The following TCTN2 variants were observed in gnomAD, a reference collection of about 807,000 sequenced individuals.
TCTN2 encodes tectonic family member 2, also known as tectonic-2.
Under a neutral mutation model 83.4 loss-of-function variants are expected in TCTN2, and 66 were observed. That is an observed-to-expected ratio of 0.79 (90% CI 0.65 to 0.97). The LOEUF is 0.97. Among genes scored for constraint, TCTN2 ranks in the 50% least tolerant of loss-of-function variants. TCTN2 has a pLI of 0.00. For synonymous variants in TCTN2, 301 were observed against 326.7 expected (o/e 0.92, Z 0.85); for missense variants, 794 against 858.1 (o/e 0.93, Z 0.93).
intron 4 of TCTN2, 112 bp downstream of exon 4, chr12:123,673,922 G>T (rs1170958596): frequency 9.9e-7 from 1 of 1,006,606 alleles, no homozygotes; most frequent in Non-Finnish European, 1.5e-6. Flanking sequence ...TGAGCTGCCC[G>T]GGAGGTTAAT....
chr12:123,703,170 A>T (rs571982303), intron 14 of TCTN2, among the ~76,000 whole-genome samples: 220 of 144,188 alleles, frequency 1.5e-3, no homozygotes, highest in Non-Finnish European at 2.7e-3. Context: ...TTTTATTATT[A>T]TTTTTTTTTC....
chr12:123,677,224 G>T (rs1333778294), intron 4 of TCTN2, among the ~76,000 whole-genome samples: 1 of 152,152 alleles, frequency 6.6e-6, no homozygotes, highest in Non-Finnish European at 1.5e-5. Flanking sequence ...ACATGGGTTT[G>T]ATAACACTGA....
chr12:123,699,071 T>G (rs1252871761), intron 13 of TCTN2, among the ~76,000 whole-genome samples: 1 of 152,180 alleles, frequency 6.6e-6, no homozygotes, highest in East Asian at 1.9e-4. Context: ...CCTGCTAACT[T>G]GATGTGTGCT....
At chr12:123,690,905 G>T (rs1022743235) in intron 8 of TCTN2, among the ~76,000 whole-genome samples, 5 of 152,020 alleles carry the variant, frequency 3.3e-5, no homozygotes, top group Admixed American at 6.6e-5. Context: ...TTGTTTCTCC[G>T]TCACGCAGGT....
At chr12:123,688,247 G>GT in intron 7 of TCTN2, 70 bp downstream of exon 7, 1 of 1,538,272 alleles carries the variant, frequency 6.5e-7, no homozygotes, top group African/African-American at 1.4e-5. Flanking sequence ...ACGGAGTCTC[G>GT]CTCTTACCTC....
At chr12:123,697,243 C>T (rs776929466) in intron 13 of TCTN2, 45 bp downstream of exon 13, 25 of 1,378,086 alleles carry the variant, frequency 1.8e-5, no homozygotes, top group Middle Eastern at 1.8e-4. Flanking sequence ...GAATGGTTTG[C>T]CTAGAATTAA....
At chr12:123,696,199 G>T in intron 11 of TCTN2, 2 of 560,092 alleles carry the variant, frequency 3.6e-6, no homozygotes, top group Non-Finnish European at 3.2e-6. Flanking sequence ...ATAGTCTGTT[G>T]TACATAGTAA....
intron 4 of TCTN2, among the ~76,000 whole-genome samples, chr12:123,675,972 C>T (rs997230468): frequency 4.6e-5 from 7 of 152,110 alleles, no homozygotes; most frequent in African/African-American, 1.2e-4. Context: ...AAAGCACTGA[C>T]TTTTTTCCTT....
intron 9 of TCTN2, 117 bp downstream of exon 9, chr12:123,692,840 G>GT (rs1193422449): frequency 2.4e-6 from 2 of 826,992 alleles, no homozygotes; most frequent in Non-Finnish European, 4.0e-6. Context: ...GTTCACAATA[G>GT]TTAGAAAGAT....
intron 5 of TCTN2, among the ~76,000 whole-genome samples, chr12:123,683,454 T>C (rs919605271): frequency 1.3e-5 from 2 of 151,358 alleles, no homozygotes; most frequent in Non-Finnish European, 2.9e-5. Context: ...TAATTTTTTG[T>C]GTCTTTAGTA....
chr12:123,689,966 A>G (rs1423053441), intron 7 of TCTN2, among the ~76,000 whole-genome samples: 1 of 151,774 alleles, frequency 6.6e-6, no homozygotes, highest in Non-Finnish European at 1.5e-5. Flanking sequence ...ATACCCGGTT[A>G]ATTTTTTACT....
chr12:123,687,581 C>T (rs566760791), intron 6 of TCTN2, among the ~76,000 whole-genome samples: 5 of 152,228 alleles, frequency 3.3e-5, no homozygotes, highest in East Asian at 1.9e-4. Context: ...GGCCTGAACC[C>T]GGGCGGCGGA....
At chr12:123,675,839 C>A (rs1955813845) in intron 4 of TCTN2, among the ~76,000 whole-genome samples, 1 of 151,824 alleles carries the variant, frequency 6.6e-6, no homozygotes, top group African/African-American at 2.4e-5. Context: ...GTGTTACCCA[C>A]TTAAAAGTTT....
Position 123,690,674 on chromosome 12 carries a change from G to A in TCTN2, c.1033G>A (p.Gly345Ser), listed in dbSNP as rs765482322. The A allele has an allele frequency of 6.2e-7, 1 of 1,613,960 alleles. No homozygotes were observed. The highest frequency in any genetic ancestry group is 2.2e-5 in the East Asian group (1 of 44,878). Residue 345 changes from glycine to serine, a missense_variant and splice_region_variant, in exon 8 of 18, where the codon GGC becomes AGC. Transcript: ENST00000303372. ...NAKIKNVALGGIVTPKVIYEE... is the reference protein window; with the variant it reads ...NAKIKNVALGSIVTPKVIYEE... Reference sequence around the variant, plus strand: ...GAAGATAAAGAATGTTGCCTTAGGAGGTATGTTACATTTCTTTGAAAAAAG... The same window carrying A: ...GAAGATAAAGAATGTTGCCTTAGGAAGTATGTTACATTTCTTTGAAAAAAG...
chr12:123,685,911 T>G (rs1307949440), intron 5 of TCTN2, among the ~76,000 whole-genome samples: 2 of 150,350 alleles, frequency 1.3e-5, no homozygotes, highest in African/African-American at 4.9e-5. Flanking sequence ...TTTTTAATTT[T>G]GTCGGGGCTG....
chr12:123,688,204 G>C, intron 7 of TCTN2, 27 bp downstream of exon 7: 2 of 1,584,258 alleles, frequency 1.3e-6, no homozygotes, highest in Non-Finnish European at 1.7e-6. Context: ...TAGTATGCTA[G>C]ACCGTTCTCT....
At chr12:123,680,532 T>C (rs112101306) in intron 5 of TCTN2, among the ~76,000 whole-genome samples, 5,718 of 150,418 alleles carry the variant, frequency 0.038, 180 homozygotes, top group African/African-American at 0.079. Context: ...TTTTTTTTTT[T>C]TTGAGACAGA....
At chr12:123,679,659 T>C (rs570604864) in intron 5 of TCTN2, among the ~76,000 whole-genome samples, 49 of 151,534 alleles carry the variant, frequency 3.2e-4, no homozygotes, top group African/African-American at 1.1e-3. Context: ...CCACCATGCC[T>C]TGCCCCAACA....
intron 14 of TCTN2, among the ~76,000 whole-genome samples, chr12:123,702,727 A>G (rs1227452335): frequency 6.6e-6 from 1 of 152,182 alleles, no homozygotes; most frequent in East Asian, 1.9e-4. Flanking sequence ...AGCAGTTGGG[A>G]AATAAACGGT....
Sources: allele counts gnomAD v4.1 joint callset (sites outside exome capture counted in the v4.1 genomes callset), GRCh38; gene constraint gnomAD v4.1.1; transcripts MANE v1.5; gene names NCBI Gene and HGNC (gene_info 2026-07-23, HGNC 2026-07-21).